The following CSNK2A2IP variants were observed in gnomAD, a reference collection of about 807,000 sequenced individuals.
CSNK2A2IP encodes casein kinase II subunit alpha'-interacting protein.
chr3:88,431,626 A>G, the CSNK2A2IP span, among the ~76,000 whole-genome samples: 8 of 152,190 alleles, frequency 5.3e-5, no homozygotes, highest in African/African-American at 1.9e-4. Flanking sequence ...AAAAAGACTA[A>G]TTTATTAAAA....
the CSNK2A2IP span, among the ~76,000 whole-genome samples, chr3:88,425,070 A>G: frequency 2.6e-5 from 4 of 152,054 alleles, no homozygotes; most frequent in Non-Finnish European, 5.9e-5. Flanking sequence ...CATTTTAGAA[A>G]TGTTACTCTA....
the CSNK2A2IP span, among the ~76,000 whole-genome samples, chr3:88,446,709 T>C: frequency 6.6e-6 from 1 of 152,198 alleles, no homozygotes; most frequent in South Asian, 2.1e-4. Flanking sequence ...ACGCCACTTA[T>C]GAGATGGTGA....
the CSNK2A2IP span, among the ~76,000 whole-genome samples, chr3:88,460,234 G>T: frequency 5.3e-5 from 8 of 151,456 alleles, no homozygotes; most frequent in South Asian, 2.1e-4. Flanking sequence ...TTAGTTATCT[G>T]TATGTAATAT....
At chr3:88,347,387 C>A in the CSNK2A2IP span, among the ~76,000 whole-genome samples, 1 of 151,950 alleles carries the variant, frequency 6.6e-6, no homozygotes, top group African/African-American at 2.4e-5. Context: ...TTCATGAAAT[C>A]AATGCAACAA....
chr3:88,452,416 A>G, the CSNK2A2IP span, among the ~76,000 whole-genome samples: 2 of 152,170 alleles, frequency 1.3e-5, no homozygotes, highest in Non-Finnish European at 2.9e-5. Context: ...AGCGTGGCCA[A>G]GTTAGGCTGA....
chr3:88,466,805 T>C, the CSNK2A2IP span: 2 of 878,250 alleles, frequency 2.3e-6, no homozygotes, highest in Non-Finnish European at 3.0e-6. Context: ...GCTTCCTGCC[T>C]AAAATCTCCA....
the CSNK2A2IP span, among the ~76,000 whole-genome samples, chr3:88,432,699 C>T: frequency 2.7e-5 from 4 of 150,692 alleles, no homozygotes. Context: ...GGAATAAAAA[C>T]ATTTAAAATA....
At chr3:88,347,556 C>T in the CSNK2A2IP span, among the ~76,000 whole-genome samples, 2 of 152,068 alleles carry the variant, frequency 1.3e-5, no homozygotes, top group African/African-American at 4.8e-5. Flanking sequence ...CATTTTTTAG[C>T]AATAAAGTGT....
the CSNK2A2IP span, among the ~76,000 whole-genome samples, chr3:88,381,091 G>A: frequency 1.3e-5 from 2 of 152,160 alleles, no homozygotes; most frequent in East Asian, 1.9e-4. Flanking sequence ...CCTGAAGCAG[G>A]GAAAAACCTC....
At chr3:88,418,159 A>T in the CSNK2A2IP span, among the ~76,000 whole-genome samples, 2 of 152,266 alleles carry the variant, frequency 1.3e-5, no homozygotes, top group East Asian at 3.9e-4. Context: ...AGGGTATTAG[A>T]TTCCTTATGG....
the CSNK2A2IP span, among the ~76,000 whole-genome samples, chr3:88,456,526 G>T: frequency 1.3e-5 from 2 of 151,832 alleles, no homozygotes; most frequent in African/African-American, 2.4e-5. Flanking sequence ...AAATGCAGCT[G>T]ATTTTTGTAT....
the CSNK2A2IP span, among the ~76,000 whole-genome samples, chr3:88,360,288 A>G: frequency 0.44 from 66,274 of 150,966 alleles, 15,747 homozygotes; most frequent in South Asian, 0.62. Flanking sequence ...CGCCCACCAC[A>G]ACGCCCGGCT....
the CSNK2A2IP span, among the ~76,000 whole-genome samples, chr3:88,438,167 C>G: frequency 6.6e-6 from 1 of 152,138 alleles, no homozygotes; most frequent in Non-Finnish European, 1.5e-5. Context: ...TTATTGTCAA[C>G]TTCTCTGAAA....
the CSNK2A2IP span, among the ~76,000 whole-genome samples, chr3:88,459,150 G>A: frequency 6.6e-6 from 1 of 152,130 alleles, no homozygotes; most frequent in African/African-American, 2.4e-5. Context: ...AGGAGCATCT[G>A]TGCATTAACA....
the CSNK2A2IP span, among the ~76,000 whole-genome samples, chr3:88,433,994 TATTTTTGAGTC>T: frequency 1.3e-5 from 2 of 152,192 alleles, no homozygotes; most frequent in Admixed American, 6.5e-5. Flanking sequence ...AAAAATGTGT[TATTTTTGAGTC>T]ATTTTTGAGC....
chr3:88,384,298 G>T, the CSNK2A2IP span, among the ~76,000 whole-genome samples: 16 of 151,910 alleles, frequency 1.1e-4, no homozygotes, highest in African/African-American at 3.1e-4. Flanking sequence ...CTTTTTGATT[G>T]GGTGGTAAGG....
At chr3:88,463,470 A>G in the CSNK2A2IP span, among the ~76,000 whole-genome samples, 2 of 152,150 alleles carry the variant, frequency 1.3e-5, no homozygotes, top group Non-Finnish European at 2.9e-5. Flanking sequence ...AATCGTAAAC[A>G]TCGCCCACTT....
chr3:88,377,223 G>A, the CSNK2A2IP span, among the ~76,000 whole-genome samples: 1 of 151,684 alleles, frequency 6.6e-6, no homozygotes, highest in Non-Finnish European at 1.5e-5. Context: ...TAACCTCAAA[G>A]TCAATATTTC....
At chr3:88,419,324 A>G in the CSNK2A2IP span, among the ~76,000 whole-genome samples, 11 of 152,214 alleles carry the variant, frequency 7.2e-5, no homozygotes, top group South Asian at 2.1e-3. Context: ...TGTGTACTCA[A>G]TGTTTAGCTC....
Sources: allele counts gnomAD v4.1 joint callset (sites outside exome capture counted in the v4.1 genomes callset), GRCh38; gene constraint gnomAD v4.1.1; transcripts MANE v1.5; gene names NCBI Gene and HGNC (gene_info 2026-07-23, HGNC 2026-07-21).